The following RBM14 variants were observed in gnomAD, a reference collection of about 807,000 sequenced individuals.
The protein encoded by RBM14 is RNA-binding protein 14.
RBM14 carries 5 observed loss-of-function variants against 52.8 expected under a neutral mutation model. The ratio of observed to expected loss-of-function variants is 0.09; its 90% confidence interval spans 0.05 to 0.20. The LOEUF (loss-of-function observed/expected upper bound fraction) is 0.20. Among genes scored for constraint, RBM14 ranks in the 10% least tolerant of loss-of-function variants. RBM14 has a pLI of 1.00. For missense variants in RBM14, 780 were observed against 926.6 expected, an observed-to-expected ratio of 0.84 and a Z score of 2.05; for synonymous variants, 411 against 401.8, an observed-to-expected ratio of 1.02 and a Z score of -0.28.
intron 1 of RBM14, among the ~76,000 whole-genome samples, chr11:66,623,475 C>G (rs1292372467): frequency 6.6e-6 from 1 of 152,178 alleles, no homozygotes; most frequent in Non-Finnish European, 1.5e-5. Context: ...TGATTCTGGT[C>G]CTGACTCTAA....
At chr11:66,617,406 G>T (rs1858889563) in intron 1 of RBM14, 5 of 1,114,572 alleles carry the variant, frequency 4.5e-6, no homozygotes, top group Non-Finnish European at 5.5e-6. Context: ...ACGGGCACAA[G>T]CCGGATCATG....
chr11:66,621,734 G>C (rs1031667943), intron 1 of RBM14, among the ~76,000 whole-genome samples: 4 of 152,058 alleles, frequency 2.6e-5, no homozygotes, highest in African/African-American at 9.7e-5. Context: ...ATTGTGTTTT[G>C]CTTGAGATGA....
rs765671789 is a variant in RBM14 at position 66,626,455 on chromosome 11, G to A, written c.1803-6G>A. ...CATTCACCAACTGTCTTCTTCTCTC[G>A]ACTAGGTATGGTTCCGACCGGCGTT... On this transcript the variant is annotated splice_region_variant and splice_polypyrimidine_tract_variant and intron_variant, in intron 2 of 2. Transcript: ENST00000310137. 26 of 1,610,334 alleles carry A rather than the reference G, an allele frequency of 1.6e-5. No individual in the cohort carries two copies. The highest frequency in any genetic ancestry group is 4.5e-5 in the East Asian group (2 of 44,866).
In RBM14 at chr11:66,625,801, G is replaced by T; in HGVS notation, c.1802+123G>T. On this transcript the variant is annotated intron_variant, in intron 2 of 2. Coordinates refer to ENST00000310137, the MANE Select transcript of RBM14 (RefSeq NM_006328.4). This position sits in a 1 kb window ranked among gnomAD's most constrained non-coding sequence, Gnocchi z 4.2. Reference sequence around the variant, plus strand: ...GGTCTTCTCTTCTCTATTTTTGTGGGATGTCCAGAGGCCGAGGGGAGCAGT... The same window carrying T: ...GGTCTTCTCTTCTCTATTTTTGTGGTATGTCCAGAGGCCGAGGGGAGCAGT... 1.3e-6 allele frequency: 1 copy of T among 774,206 alleles called. No homozygotes were observed. The highest frequency in any genetic ancestry group is 1.9e-5 in the South Asian group (1 of 53,458). 48.0% of individuals were successfully genotyped at this position (774,206 alleles called of 1,614,324 possible).
At position 66,629,714 on chromosome 11, in the gene RBM14, A is replaced by G. The variant is rs1937971825; in HGVS notation, c.*3046A>G. Among the ~76,000 whole-genome samples, 1 of 152,182 alleles carries G rather than the reference A, an allele frequency of 6.6e-6. No homozygotes were observed. Among genetic ancestry groups the G allele is most frequent in the Non-Finnish European group, 1.5e-5 (1 of 68,030 alleles). On this transcript the variant is annotated 3_prime_UTR_variant, in exon 3 of 3. Transcript: ENST00000310137. ...AAGGTCATAAAGGGTAAAAGTCTAT[A>G]GTTTTCCAGAAAATAATTCTTAAAA...
chr11:66,626,421 C>T (rs761636208), intron 2 of RBM14, 40 bp from the exon 3 acceptor site: 9 of 1,572,938 alleles, frequency 5.7e-6, no homozygotes, highest in East Asian at 2.2e-5. Flanking sequence ...GTCCTCCCCT[C>T]AATTGTCTCA....
rs997802474 is a variant in RBM14 at position 66,626,605 on chromosome 11, G to A, written c.1947G>A (p.Ser649=). The A allele has an allele frequency of 8.1e-6, 13 of 1,613,440 alleles. No individual in the cohort carries two copies. Among genetic ancestry groups the A allele is most frequent in the Admixed American group, 1.7e-5 (1 of 59,982 alleles). ...CCCATTCCGATTACGCACGCTATTC[G>A]GGCTCCTATAATGATTACCTGCGGG... The part of the protein sequence containing the change: ...PDAHSDYARY[S]GSYNDYLRAA... The change falls in exon 3 of 3, where the codon TCG becomes TCA. Residue 649 remains serine, a synonymous_variant. Coordinates refer to ENST00000310137, the MANE Select transcript of RBM14 (RefSeq NM_006328.4).
At chr11:66,617,182 C>T in intron 1 of RBM14, 125 bp downstream of exon 1, 1 of 1,452,712 alleles carries the variant, frequency 6.9e-7, no homozygotes, top group Non-Finnish European at 9.0e-7. Context: ...GGGAGCAGGT[C>T]GGAGGTGTTG....
Position 66,625,827 on chromosome 11 carries a change from G to A in RBM14, c.1802+149G>A. 1.5e-6 allele frequency: 1 copy of A among 659,618 alleles called. No individual in the cohort carries two copies. Among genetic ancestry groups the A allele is most frequent in the South Asian group, 2.1e-5 (1 of 48,584 alleles). 40.9% of individuals were successfully genotyped at this position (659,618 alleles called of 1,614,324 possible). ...ATGTCCAGAGGCCGAGGGGAGCAGT[G>A]TCTATGAACTTTCCTGGTCACCAGG... On this transcript the variant is annotated intron_variant, in intron 2 of 2. Coordinates refer to ENST00000310137, the MANE Select transcript of RBM14 (RefSeq NM_006328.4). This position sits in a 1 kb window ranked among gnomAD's most constrained non-coding sequence, Gnocchi z 4.2.
rs749304576 is a variant in RBM14, at chr11:66,625,782, C to G, written c.1802+104C>G. On this transcript the variant is annotated intron_variant, in intron 2 of 2. Transcript: ENST00000310137. The surrounding 1 kb of genome is among the most constrained non-coding windows in gnomAD (Gnocchi z 4.2). ...AGGCATCGGCCCCTCCCTCGGTCTTCTCTTCTCTATTTTTGTGGGATGTCC... is the reference window on the plus strand; with the variant it reads ...AGGCATCGGCCCCTCCCTCGGTCTTGTCTTCTCTATTTTTGTGGGATGTCC... 2.7e-5 allele frequency: 21 copies of G among 786,468 alleles called. No individual in the cohort carries two copies. Among genetic ancestry groups the G allele is most frequent in the South Asian group, 3.5e-5 (2 of 56,368 alleles). The allele number at this position is 786,468 out of a possible 1,614,324, so 48.7% of individuals were successfully genotyped here.
In RBM14 at chr11:66,626,838, A is replaced by G. The variant is rs997370262; in HGVS notation, c.*170A>G. ...TGATCCTGTTAAGTGTTCGGCAGTA[A>G]CCTACTTTGTTCCTTCGCCTCAGCA... On this transcript the variant is annotated 3_prime_UTR_variant, in exon 3 of 3. Transcript: ENST00000310137. 8 of 673,614 alleles carry G rather than the reference A, an allele frequency of 1.2e-5. No homozygotes were observed. In the Admixed American group the frequency reaches 2.5e-4, roughly 21 times the overall value. The allele number at this position is 673,614 out of a possible 1,614,324, so 41.7% of individuals were successfully genotyped here.
Position 66,625,513 on chromosome 11 carries a change from A to G in RBM14, c.1637A>G (p.Asn546Ser), listed in dbSNP as rs560083119. 12 of 1,612,572 alleles carry G rather than the reference A, an allele frequency of 7.4e-6. No homozygotes were observed. In the African/African-American group the frequency reaches 9.3e-5, roughly 13 times the overall value. Residue 546 changes from asparagine (N) to serine (S), a missense_variant, in exon 2 of 3, where the codon AAT becomes AGT. Around this residue, in one of 4 missense-constraint regions of RBM14, gnomAD observed 675 missense variants for 697.3 expected, o/e 0.97. Transcript: ENST00000310137. This position sits in a 1 kb window ranked among gnomAD's most constrained non-coding sequence, Gnocchi z 4.2. ...GCCTCCTACCGCGGCCAGCCAGGCA[A>G]TGCCTACGATGGGGCAGGTCAGCCG... is the stretch of plus-strand genomic sequence containing the variant. The part of the protein sequence containing the change: ...AAASYRGQPG[N>S]AYDGAGQPSA...
At position 66,624,081 on chromosome 11, in the gene RBM14, C is replaced by T. The variant is rs1937675623; in HGVS notation, c.338-133C>T. ...TGGGAGCTACATTTTATGACATACTCCTGGAGAGGAGGGTTTGGAGGCCTT... is the reference window on the plus strand; with the variant it reads ...TGGGAGCTACATTTTATGACATACTTCTGGAGAGGAGGGTTTGGAGGCCTT... On this transcript the variant is annotated intron_variant, in intron 1 of 2. Coordinates refer to ENST00000310137, the MANE Select transcript of RBM14 (RefSeq NM_006328.4). This position sits in a 1 kb window ranked among gnomAD's most constrained non-coding sequence, Gnocchi z 4.7. 1.4e-6 allele frequency: 2 copies of T among 1,449,848 alleles called. No individual in the cohort carries two copies. The highest frequency in any genetic ancestry group is 1.9e-6 in the Non-Finnish European group (2 of 1,053,000). 89.8% of individuals were successfully genotyped at this position (1,449,848 alleles called of 1,614,324 possible). A position where few individuals can be genotyped will look rare whatever the true frequency, so the allele number is the denominator to read the frequency against.
intron 1 of RBM14, among the ~76,000 whole-genome samples, chr11:66,622,449 A>C (rs1342012111): frequency 6.6e-6 from 1 of 151,946 alleles, no homozygotes; most frequent in Non-Finnish European, 1.5e-5. Flanking sequence ...GGTCAGGCTG[A>C]TCTTGAACTC....
At chr11:66,618,666 A>C (rs566629989) in intron 1 of RBM14, 1 of 661,322 alleles carries the variant, frequency 1.5e-6, no homozygotes, top group African/African-American at 1.8e-5. Context: ...CTCATTTGTG[A>C]GAGTTTTGTG....
chr11:66,624,632 G>T lies in RBM14; in HGVS notation c.756G>T (p.Gln252His). 6.2e-7 allele frequency: 1 copy of T among 1,612,900 alleles called. No homozygotes were observed. The highest frequency in any genetic ancestry group is 8.5e-7 in the Non-Finnish European group (1 of 1,179,980). The stretch of plus-strand genomic sequence containing the variant: ...CACTGGGAGCTGCCTACAGGGCCCA[G>T]CCTTCTGCCTCTTTGGGTGTTGGCT... ...SVSLGAAYRA[Q>H]PSASLGVGYR... Residue 252 changes from glutamine to histidine, a missense_variant, in exon 2 of 3, where the codon CAG becomes CAT. Gln to His is a conservative substitution (Grantham distance 24). Around this residue, in one of 4 missense-constraint regions of RBM14, gnomAD observed 675 missense variants for 697.3 expected, o/e 0.97. Coordinates refer to ENST00000310137, the MANE Select transcript of RBM14 (RefSeq NM_006328.4). The surrounding 1 kb of genome is among the most constrained non-coding windows in gnomAD (Gnocchi z 4.7).
intron 1 of RBM14, among the ~76,000 whole-genome samples, chr11:66,619,892 G>A (rs1337965032): frequency 1.3e-5 from 2 of 152,256 alleles, no homozygotes; most frequent in Non-Finnish European, 2.9e-5. Context: ...TTAGTCTTAA[G>A]ATAGGAGAAC....
rs747013390 is a variant in RBM14, at chr11:66,625,189, C to G, written c.1313C>G (p.Thr438Arg). The G allele has an allele frequency of 6.2e-7, 1 of 1,612,302 alleles. No individual in the cohort carries two copies. Among genetic ancestry groups the G allele is most frequent in the Non-Finnish European group, 8.5e-7 (1 of 1,179,990 alleles). ...GCTGCCTATGTGGCACAGCCAGCCA[C>G]AGCTGCTGCCTATGCCAGCCAGCCA... ...QPAAYVAQPATAAAYASQPAA... is the reference protein window; with the variant it reads ...QPAAYVAQPARAAAYASQPAA... The change falls in exon 2 of 3, where the codon ACA (threonine) becomes AGA (arginine). Residue 438 changes from threonine to arginine, a missense_variant. Physicochemically the swap from Thr to Arg is moderately conservative, Grantham distance 71. Around this residue, in one of 4 missense-constraint regions of RBM14, gnomAD observed 675 missense variants for 697.3 expected, o/e 0.97. Transcript: ENST00000310137. The surrounding 1 kb of genome is among the most constrained non-coding windows in gnomAD (Gnocchi z 4.2).
chr11:66,625,330 C>G lies in RBM14; in HGVS notation c.1454C>G (p.Ser485Cys), dbSNP rs777101757. 2.5e-6 allele frequency: 4 copies of G among 1,610,412 alleles called. No homozygotes were observed. Among genetic ancestry groups the G allele is most frequent in the Non-Finnish European group, 3.4e-6 (4 of 1,178,722 alleles). The change falls in exon 2 of 3, where the codon TCC (serine) becomes TGC (cysteine). Residue 485 changes from serine to cysteine, a missense_variant. Ser to Cys is a moderately radical substitution (Grantham distance 112). This residue lies in a region of RBM14 where 675 missense variants were observed against 697.3 expected (regional missense o/e 0.97). Coordinates refer to ENST00000310137, the MANE Select transcript of RBM14 (RefSeq NM_006328.4). The surrounding 1 kb of genome is among the most constrained non-coding windows in gnomAD (Gnocchi z 4.2). ...GAQASMGLSG[S>C]YGAQSAAAAT... Reference sequence around the variant, plus strand: ...CAAGCATCAATGGGCCTTTCAGGCTCCTATGGGGCTCAGTCGGCTGCTGCG... The same window carrying G: ...CAAGCATCAATGGGCCTTTCAGGCTGCTATGGGGCTCAGTCGGCTGCTGCG...
Sources: gnomAD v4.1 joint callset for allele counts (sites outside exome capture counted in the v4.1 genomes callset) on GRCh38, gnomAD v4.1.1 for gene constraint, gnomAD v4.1.1 regional missense constraint, Gnocchi (gnomAD v3.1) non-coding constraint, MANE v1.5 for transcripts, NCBI Gene and HGNC (gene_info 2026-07-23, HGNC 2026-07-21) for gene names.